ZNF592: variants seen among roughly 807,000 people sequenced by gnomAD.
The protein encoded by ZNF592 is zinc finger protein 592.
In ZNF592, 11 loss-of-function variants were observed where a neutral mutation model predicts 80.3. That is an observed-to-expected ratio of 0.14 (90% CI 0.09 to 0.23). ZNF592 has a LOEUF of 0.23. Among genes scored for constraint, ZNF592 ranks in the 10% least tolerant of loss-of-function variants. The pLI is 1.00. For missense variants in ZNF592, 1,420 were observed against 1,633.9 expected (o/e 0.87, Z 2.26); for synonymous variants, 646 against 640.3 (o/e 1.01, Z -0.13).
In ZNF592 at chr15:84,790,684, TTTCTTGGTG is replaced by T. The variant is rs1156564655; in HGVS notation, c.2221-15_2221-7del. On this transcript the variant is annotated splice_polypyrimidine_tract_variant and intron_variant, in intron 4 of 10. Transcript: ENST00000560079. ...GGCCTATGGCCCCTGCATGATCTGC[TTTCTTGGTG>T]TTCTTTCCTAGACCTGCCAGGTATG... is the stretch of plus-strand genomic sequence containing the variant. 6.2e-7 allele frequency: 1 copy of T among 1,613,984 alleles called. No individual in the cohort carries two copies. The highest frequency in any genetic ancestry group is 8.5e-7 in the Non-Finnish European group (1 of 1,179,972).
At chr15:84,801,735 C>T in intron 10 of ZNF592, 128 bp from the exon 11 acceptor site, 2 of 1,327,006 alleles carry the variant, frequency 1.5e-6, no homozygotes, top group Non-Finnish European at 2.1e-6. Flanking sequence ...AAACGTAAAC[C>T]AGCGTTCAGG....
rs981482145 is a variant in ZNF592 at position 84,806,276 on chromosome 15, T to C, written c.*3883T>C. The C allele has an allele frequency of 1.3e-5, 2 of 152,242 alleles. No homozygotes were observed. The highest frequency in any genetic ancestry group is 4.8e-5 in the African/African-American group (2 of 41,468). The allele number at this position is 152,242 out of a possible 1,614,324, so 9.4% of individuals were successfully genotyped here. A position where few individuals can be genotyped will look rare whatever the true frequency, so the allele number is the denominator to read the frequency against. On this transcript the variant is annotated 3_prime_UTR_variant, in exon 11 of 11. Transcript: ENST00000560079. ...CAGATGCCACCGGAGCCTTAGGAAC[T>C]GGGCACAGGAAGCCTTGGGCCCCTG...
Position 84,798,552 on chromosome 15 carries a change from C to T in ZNF592, c.2737-36C>T, listed in dbSNP as rs761053628. Reference sequence around the variant, plus strand: ...GGGGTCTGACTCTGTGCATCTTTCCCCTTGCCCAGTCAGTAATCGCTCTCC... The same window carrying T: ...GGGGTCTGACTCTGTGCATCTTTCCTCTTGCCCAGTCAGTAATCGCTCTCC... On this transcript the variant is annotated intron_variant, in intron 7 of 10. Coordinates refer to ENST00000560079, the MANE Select transcript of ZNF592 (RefSeq NM_014630.3). The surrounding 1 kb of genome is among the most constrained non-coding windows in gnomAD (Gnocchi z 4.5). The T allele has an allele frequency of 5.0e-6, 8 of 1,614,040 alleles. No individual in the cohort carries two copies. The highest frequency in any genetic ancestry group is 1.7e-5 in the Admixed American group (1 of 60,026).
At position 84,784,091 on chromosome 15, in the gene ZNF592, G is replaced by A. The variant is rs750571222; in HGVS notation, c.1416G>A (p.Gly472=). 3.7e-6 allele frequency: 6 copies of A among 1,614,142 alleles called. No homozygotes were observed. The highest frequency in any genetic ancestry group is 4.2e-6 in the Non-Finnish European group (5 of 1,180,018). The part of the protein sequence containing the change: ...SCSSGPRVPK[G]AAPGSQTGKK... ...GTTCTGGGCCCCGGGTCCCAAAGGG[G>A]GCTGCCCCAGGCTCACAGACAGGCA... Residue 472 remains glycine, a synonymous_variant, in exon 4 of 11, where the codon GGG becomes GGA. Transcript: ENST00000560079. The surrounding 1 kb of genome is among the most constrained non-coding windows in gnomAD (Gnocchi z 5.8).
At position 84,798,819 on chromosome 15, in the gene ZNF592, G is replaced by A. The variant is rs769023282; in HGVS notation, c.2968G>A (p.Glu990Lys). 6.2e-7 allele frequency: 1 copy of A among 1,600,962 alleles called. No homozygotes were observed. Among genetic ancestry groups the A allele is most frequent in the Admixed American group, 1.7e-5 (1 of 59,930 alleles). ...TGGCTGGACCTGCCAGGAGTGCCAG[G>A]AGTGGGTTCCAGATCGGGAGAGCTA... ...NTGWTCQECQ[E>K]WVPDRESYVS... The change falls in exon 8 of 11, where the codon GAG becomes AAG. Residue 990 changes from glutamate to lysine, a missense_variant. This residue lies in a region of ZNF592 where 331 missense variants were observed against 347.0 expected (regional missense o/e 0.95). Transcript: ENST00000560079. This position sits in a 1 kb window ranked among gnomAD's most constrained non-coding sequence, Gnocchi z 4.5.
chr15:84,785,783 C>A (rs1326424807), intron 4 of ZNF592, among the ~76,000 whole-genome samples: 2 of 151,796 alleles, frequency 1.3e-5, no homozygotes, highest in African/African-American at 4.8e-5. Context: ...CTCCTTCTTT[C>A]AACTGCGTTC....
rs778153793 is a variant in ZNF592 at position 84,784,248 on chromosome 15, G to A, written c.1573G>A (p.Val525Met). ...TGCATCAGTGACAGCCAAGTCTTCA[G>A]TGCAAAGACGGAGCCAGCCACAGCT... Reference protein sequence around the residue: ...VAASVTAKSSVQRRSQPQLTQ... With the variant: ...VAASVTAKSSMQRRSQPQLTQ... Residue 525 changes from valine (V) to methionine (M), a missense_variant, in exon 4 of 11, where the codon GTG becomes ATG. This residue lies in a region of ZNF592 where 524 missense variants were observed against 628.3 expected (regional missense o/e 0.83). Transcript: ENST00000560079. This position sits in a 1 kb window ranked among gnomAD's most constrained non-coding sequence, Gnocchi z 5.8. The A allele has an allele frequency of 1.9e-6, 3 of 1,614,252 alleles. No homozygotes were observed. The highest frequency in any genetic ancestry group is 2.5e-6 in the Non-Finnish European group (3 of 1,180,056).
intron 2 of ZNF592, among the ~76,000 whole-genome samples, chr15:84,772,707 A>G (rs1489532786): frequency 6.6e-6 from 1 of 152,200 alleles, no homozygotes; most frequent in Non-Finnish European, 1.5e-5. Flanking sequence ...TCCAGTCCTA[A>G]TACAACGAAC....
intron 2 of ZNF592, among the ~76,000 whole-genome samples, chr15:84,767,278 G>A (rs1212807039): frequency 1.3e-5 from 2 of 152,078 alleles, no homozygotes; most frequent in South Asian, 2.1e-4. Context: ...CGCCCGCCTC[G>A]GCCTCCGAAA....
intron 5 of ZNF592, among the ~76,000 whole-genome samples, 184 bp from the exon 6 acceptor site, chr15:84,797,685 C>G (rs1434810772): frequency 6.6e-6 from 1 of 152,214 alleles, no homozygotes; most frequent in Non-Finnish European, 1.5e-5. Context: ...CCACATTGTG[C>G]TAGACTGTAG....
intron 2 of ZNF592, among the ~76,000 whole-genome samples, chr15:84,777,491 GAAAAA>G (rs918971496): frequency 7.1e-6 from 1 of 140,128 alleles, no homozygotes; most frequent in Non-Finnish European, 1.6e-5. Flanking sequence ...AAAAAAAAAA[GAAAAA>G]AAAAAGAAAG....
intron 4 of ZNF592, among the ~76,000 whole-genome samples, chr15:84,785,435 C>A (rs1365319429): frequency 6.6e-6 from 1 of 152,178 alleles, no homozygotes; most frequent in African/African-American, 2.4e-5. Flanking sequence ...CCTCAGCCTC[C>A]CAAGTAGCTA....
chr15:84,754,132 T>C (rs562490144), intron 1 of ZNF592, among the ~76,000 whole-genome samples: 87 of 152,326 alleles, frequency 5.7e-4, no homozygotes, highest in African/African-American at 1.6e-3. Context: ...TGAATACCTT[T>C]CGAGTTTGGT....
intron 4 of ZNF592, among the ~76,000 whole-genome samples, chr15:84,789,696 T>C (rs975967294): frequency 1.3e-5 from 2 of 152,236 alleles, no homozygotes; most frequent in African/African-American, 4.8e-5. Flanking sequence ...ATATATTCAG[T>C]ATATTTACAT....
chr15:84,751,221 T>G (rs1445635493), intron 1 of ZNF592, among the ~76,000 whole-genome samples: 2 of 152,214 alleles, frequency 1.3e-5, no homozygotes, highest in Admixed American at 6.5e-5. Flanking sequence ...CTGCATACAT[T>G]ATTGTATTTA....
Position 84,799,244 on chromosome 15 carries a change from A to G in ZNF592, c.3137+34A>G, listed in dbSNP as rs753046415. The G allele has an allele frequency of 6.3e-7, 1 of 1,596,728 alleles. No homozygotes were observed. Among genetic ancestry groups the G allele is most frequent in the South Asian group, 1.1e-5 (1 of 90,722 alleles). On this transcript the variant is annotated intron_variant, in intron 9 of 10. Coordinates refer to ENST00000560079, the MANE Select transcript of ZNF592 (RefSeq NM_014630.3). This position sits in a 1 kb window ranked among gnomAD's most constrained non-coding sequence, Gnocchi z 4.2. ...CTGGGGATAGTAGTGAGGAGGCCTG[A>G]GGTTCAAAAGACTCTGTCCGTGGCA...
Position 84,767,773 on chromosome 15 carries a change from A to G in ZNF592, c.-150+2958A>G, listed in dbSNP as rs146750041. 9.9e-5 allele frequency among the ~76,000 whole-genome samples: 15 copies of G among 152,268 alleles called. 1 individual carries two copies. The highest frequency in any genetic ancestry group is 2.9e-4 in the African/African-American group (12 of 41,548). On this transcript the variant is annotated intron_variant, in intron 2 of 10. Coordinates refer to ENST00000560079, the MANE Select transcript of ZNF592 (RefSeq NM_014630.3). Reference sequence around the variant, plus strand: ...AAAAATATAGCAGCTTTATTGAGATATAATTCACATGCCATACAATTTACC... The same window carrying G: ...AAAAATATAGCAGCTTTATTGAGATGTAATTCACATGCCATACAATTTACC...
chr15:84,793,118 C>A (rs1962798597), intron 5 of ZNF592, among the ~76,000 whole-genome samples: 1 of 151,910 alleles, frequency 6.6e-6, no homozygotes, highest in South Asian at 2.1e-4. Flanking sequence ...GCTGTGTCAC[C>A]CAGGCTGGAG....
intron 1 of ZNF592, among the ~76,000 whole-genome samples, chr15:84,757,608 C>T (rs1899214966): frequency 6.6e-6 from 1 of 151,932 alleles, no homozygotes; most frequent in South Asian, 2.1e-4. Flanking sequence ...TCCACCTCGG[C>T]CTCCCAAAAT....
Sources: allele counts gnomAD v4.1 joint callset (sites outside exome capture counted in the v4.1 genomes callset), GRCh38; gene constraint gnomAD v4.1.1; regional missense constraint gnomAD v4.1.1; non-coding constraint Gnocchi (gnomAD v3.1); transcripts MANE v1.5; gene names NCBI Gene and HGNC (gene_info 2026-07-23, HGNC 2026-07-21).